The following TMEM59L variants were observed in gnomAD, a reference collection of about 807,000 sequenced individuals.
The protein encoded by TMEM59L is transmembrane protein 59 like.
Under a neutral mutation model 39.6 loss-of-function variants are expected in TMEM59L, and 31 were observed. That is an observed-to-expected ratio of 0.78 (90% CI 0.59 to 1.06). The LOEUF (loss-of-function observed/expected upper bound fraction) is 1.06. TMEM59L is among the 50% of genes least tolerant of loss of function. The probability of loss-of-function intolerance (pLI) is 0.00; values close to 1 mark genes in which losing one functional copy is unlikely to be tolerated. For missense variants in TMEM59L, 441 were observed against 451.3 expected (o/e 0.98, Z 0.21); for synonymous variants, 219 against 202.9 (o/e 1.08, Z -0.68).
chr19:18,616,912 C>T (rs566282932), intron 4 of TMEM59L, 88 bp from the exon 5 acceptor site: 39 of 962,928 alleles, frequency 4.1e-5, no homozygotes, highest in South Asian at 3.1e-4. Context: ...ATCAGCTGGG[C>T]GTGGGACATG....
chr19:18,613,813 C>T, intron 1 of TMEM59L, 59 bp from the exon 2 acceptor site: 4 of 1,370,644 alleles, frequency 2.9e-6, no homozygotes, highest in Non-Finnish European at 4.1e-6. Flanking sequence ...TGCTCCGGTC[C>T]CCCCACCCTC....
chr19:18,614,252 C>A, intron 3 of TMEM59L, 57 bp downstream of exon 3: 10 of 1,518,478 alleles, frequency 6.6e-6, no homozygotes, highest in Non-Finnish European at 8.9e-6. Context: ...CCCTCTTCAC[C>A]CCGTGGGAAA....
chr19:18,619,892 C>T (rs1976475365), intron 7 of TMEM59L, among the ~76,000 whole-genome samples: 1 of 151,372 alleles, frequency 6.6e-6, no homozygotes. Flanking sequence ...GTGGGAGGAT[C>T]ACTTGAGCCT....
chr19:18,614,298 C>T (rs2145347527), intron 3 of TMEM59L, 103 bp downstream of exon 3: 2 of 1,335,336 alleles, frequency 1.5e-6, no homozygotes, highest in South Asian at 1.3e-5. Context: ...CCAGACTCTG[C>T]GTTCTATACC....
At chr19:18,620,372 G>A (rs752129628) in intron 7 of TMEM59L, 36 bp from the exon 8 acceptor site, 25 of 1,578,342 alleles carry the variant, frequency 1.6e-5, no homozygotes, top group African/African-American at 2.7e-5. Context: ...GCCTCTCCCC[G>A]TCCCTCCACT....
Position 18,620,880 on chromosome 19 carries a change from TGAGGGGGAGCTGC to T in TMEM59L, c.*346_*358del. 5.6e-6 allele frequency: 1 copy of T among 177,556 alleles called. No homozygotes were observed. The highest frequency in any genetic ancestry group is 1.2e-5 in the Non-Finnish European group (1 of 83,828). 11.0% of individuals were successfully genotyped at this position (177,556 alleles called of 1,614,324 possible). On this transcript the variant is annotated 3_prime_UTR_variant, in exon 8 of 8. Coordinates refer to ENST00000262817, the MANE Select transcript of TMEM59L (RefSeq NM_012109.3). Reference sequence around the variant, plus strand: ...CTCTCTGCGGGGGGGGCGCTGAGGCTGAGGGGGAGCTGCGTCTTGCTAGGGCTTCCCCCTTCTC... The same window carrying T: ...CTCTCTGCGGGGGGGGCGCTGAGGCTGTCTTGCTAGGGCTTCCCCCTTCTC...
rs372385009 is a variant in TMEM59L at position 18,617,925 on chromosome 19, A to G, written c.665-230A>G. On this transcript the variant is annotated intron_variant, in intron 5 of 7. Coordinates refer to ENST00000262817, the MANE Select transcript of TMEM59L (RefSeq NM_012109.3). Reference sequence around the variant, plus strand: ...TCTATCTCTCAGGGTTCCATGGTTCATCTCCTAGGATTCTGCAGTTCACCC... The same window carrying G: ...TCTATCTCTCAGGGTTCCATGGTTCGTCTCCTAGGATTCTGCAGTTCACCC... The G allele has an allele frequency of 1.0e-3, 587 of 577,122 alleles. 4 individuals carry two copies. In the Middle Eastern group the frequency reaches 0.012, roughly 12 times the overall value. 35.8% of individuals were successfully genotyped at this position (577,122 alleles called of 1,614,324 possible).
In TMEM59L at chr19:18,612,915, G is replaced by C. The variant is rs1337109544; in HGVS notation, c.-44G>C. 3 of 1,268,278 alleles carry C rather than the reference G, an allele frequency of 2.4e-6. No homozygotes were observed. In the African/African-American group the frequency reaches 4.6e-5, roughly 20 times the overall value. The allele number at this position is 1,268,278 out of a possible 1,614,324, so 78.6% of individuals were successfully genotyped here. A position where few individuals can be genotyped will look rare whatever the true frequency, so the allele number is the denominator to read the frequency against. ...CGCAGCCGCTGCATCCTCCGTGCCC[G>C]GCCTGAGCTGGAGTCCCCCGCGCCC... On this transcript the variant is annotated 5_prime_UTR_variant, in exon 1 of 8. Coordinates refer to ENST00000262817, the MANE Select transcript of TMEM59L (RefSeq NM_012109.3). The surrounding 1 kb of genome is among the most constrained non-coding windows in gnomAD (Gnocchi z 6.2).
In TMEM59L at chr19:18,620,570, G is replaced by A. The variant is rs1212259498; in HGVS notation, c.*34G>A. 6.2e-7 allele frequency: 1 copy of A among 1,603,772 alleles called. No homozygotes were observed. On this transcript the variant is annotated 3_prime_UTR_variant, in exon 8 of 8. Transcript: ENST00000262817. The stretch of plus-strand genomic sequence containing the variant: ...TGGCCCCATCACTGCCAACTGCAGG[G>A]GGCCCCTCGGGCCTCACTTGCCCTG...
At chr19:18,615,315 G>A (rs994584254) in intron 3 of TMEM59L, among the ~76,000 whole-genome samples, 6 of 152,212 alleles carry the variant, frequency 3.9e-5, no homozygotes, top group East Asian at 1.9e-4. Context: ...GTCAAAATAA[G>A]AATAATGAGG....
rs1976492243 is a variant in TMEM59L at position 18,620,984 on chromosome 19, A to G, written c.*448A>G. ...GTGTGGGCATCTCCATGCCCCTATA[A>G]AGCGTGCCTGGGGCTTGTCTGGGGC... On this transcript the variant is annotated 3_prime_UTR_variant, in exon 8 of 8. Coordinates refer to ENST00000262817, the MANE Select transcript of TMEM59L (RefSeq NM_012109.3). 1 of 155,764 alleles carries G rather than the reference A, an allele frequency of 6.4e-6. No individual in the cohort carries two copies. The highest frequency in any genetic ancestry group is 6.3e-5 in the Admixed American group (1 of 15,818). 9.6% of individuals were successfully genotyped at this position (155,764 alleles called of 1,614,324 possible).
Position 18,613,912 on chromosome 19 carries a change from C to T in TMEM59L, c.212C>T (p.Ala71Val). Residue 71 changes from alanine to valine, a missense_variant, in exon 2 of 8, where the codon GCC (alanine) becomes GTC (valine). By Grantham distance (64) the Ala-to-Val change is moderately conservative. Transcript: ENST00000262817. ...EGASESPYDRAVLISACERGC... is the reference protein window; with the variant it reads ...EGASESPYDRVVLISACERGC... ...GCCTCCGAGTCTCCCTATGACAGAG[C>T]CGTTCTGATCAGCGCTTGCGAGCGT... 6.2e-7 allele frequency: 1 copy of T among 1,613,008 alleles called. No homozygotes were observed. Among genetic ancestry groups the T allele is most frequent in the South Asian group, 1.1e-5 (1 of 91,088 alleles).
chr19:18,619,558 A>C (rs1013044301), intron 7 of TMEM59L, among the ~76,000 whole-genome samples: 2 of 152,144 alleles, frequency 1.3e-5, no homozygotes, highest in Non-Finnish European at 2.9e-5. Context: ...TAATCCCAGC[A>C]CTTTGGGAGG....
chr19:18,620,680 GC>G lies in TMEM59L; in HGVS notation c.*148del. On this transcript the variant is annotated 3_prime_UTR_variant, in exon 8 of 8. Transcript: ENST00000262817. ...TCCTCTCCTCCCAGTCCCACCCCTTGCCCCACGGAGTCCTGGGGACGCAGTG... is the reference window on the plus strand; with the variant it reads ...TCCTCTCCTCCCAGTCCCACCCCTTGCCCACGGAGTCCTGGGGACGCAGTG... 7.9e-7 allele frequency: 1 copy of G among 1,261,896 alleles called. No individual in the cohort carries two copies. Among genetic ancestry groups the G allele is most frequent in the Non-Finnish European group, 1.0e-6 (1 of 954,446 alleles). 78.2% of individuals were successfully genotyped at this position (1,261,896 alleles called of 1,614,324 possible). A position where few individuals can be genotyped will look rare whatever the true frequency, so the allele number is the denominator to read the frequency against.
rs548993884 is a variant in TMEM59L at position 18,619,156 on chromosome 19, T to C, written c.900+664T>C. On this transcript the variant is annotated intron_variant, in intron 7 of 7. Transcript: ENST00000262817. ...ACAGTCACGTGCCACCATGCCCCGC[T>C]AATTTTTGTATTTTTTGTAGAGATG... Among the ~76,000 whole-genome samples, 3 of 152,186 alleles carry C rather than the reference T, an allele frequency of 2.0e-5. No homozygotes were observed. The South Asian group carries it at 6.2e-4, about 32-fold the overall frequency.
chr19:18,620,330 G>T, intron 7 of TMEM59L, 78 bp from the exon 8 acceptor site: 1 of 1,381,824 alleles, frequency 7.2e-7, no homozygotes, highest in African/African-American at 1.4e-5. Flanking sequence ...ACAATCAGAG[G>T]TGGGAAGGAG....
Position 18,614,119 on chromosome 19 carries a change from A to G in TMEM59L, c.332A>G (p.Tyr111Cys), listed in dbSNP as rs1165689340. The G allele has an allele frequency of 1.2e-6, 2 of 1,611,934 alleles. No individual in the cohort carries two copies. Among genetic ancestry groups the G allele is most frequent in the South Asian group, 1.1e-5 (1 of 91,010 alleles). Residue 111 changes from tyrosine (Y) to cysteine (C), a missense_variant, in exon 3 of 8, where the codon TAT (tyrosine) becomes TGT (cysteine). Physicochemically the swap from Tyr to Cys is radical, Grantham distance 194 (BLOSUM62 -2). Transcript: ENST00000262817. ...CCTCCCACAGCCTGCGTGGAAGCCT[A>G]TGTGAAGGAGGCAGAGCAGCAGGCC... ...TECEAACVEA[Y>C]VKEAEQQACS...
intron 7 of TMEM59L, 108 bp from the exon 8 acceptor site, chr19:18,620,300 A>C: frequency 8.3e-7 from 1 of 1,211,948 alleles, no homozygotes; most frequent in Non-Finnish European, 1.1e-6. Context: ...AGACTCTCTC[A>C]AAAAAAGAAA....
At chr19:18,613,748 T>C in intron 1 of TMEM59L, 124 bp from the exon 2 acceptor site, 1 of 722,076 alleles carries the variant, frequency 1.4e-6, no homozygotes. Flanking sequence ...CAACTTCATC[T>C]CCATCTGGCT....
Sources: allele counts gnomAD v4.1 joint callset (sites outside exome capture counted in the v4.1 genomes callset), GRCh38; gene constraint gnomAD v4.1.1; non-coding constraint Gnocchi (gnomAD v3.1); transcripts MANE v1.5; gene names NCBI Gene and HGNC (gene_info 2026-07-23, HGNC 2026-07-21).